Variants in ALX4 observed in about 807,000 individuals in gnomAD.
ALX4 encodes ALX homeobox 4, also known as homeobox protein aristaless-like 4.
In ALX4, 22 loss-of-function variants were observed where a neutral mutation model predicts 40.6. The ratio of observed to expected loss-of-function variants is 0.54; its 90% confidence interval spans 0.39 to 0.77. The LOEUF is 0.77. ALX4 is among the 30% of genes least tolerant of loss of function. The pLI is 0.00. For missense variants in ALX4, 556 were observed against 564.8 expected (o/e 0.98, Z 0.16); for synonymous variants, 266 against 240.5 (o/e 1.11, Z -0.98).
In ALX4 at chr11:44,264,812, G is replaced by T; in HGVS notation, c.*42C>A. ...TGGGGGCCTGGAAAACATGGGCGTGGCCCATGGTGTCCCGAGGTGGGGACG... is the reference window on the plus strand; with the variant it reads ...TGGGGGCCTGGAAAACATGGGCGTGTCCCATGGTGTCCCGAGGTGGGGACG... On this transcript the variant is annotated 3_prime_UTR_variant, in exon 4 of 4. Transcript: ENST00000652299. 6.2e-7 allele frequency: 1 copy of T among 1,603,436 alleles called. No individual in the cohort carries two copies. Among genetic ancestry groups the T allele is most frequent in the East Asian group, 2.2e-5 (1 of 44,738 alleles).
intron 1 of ALX4, among the ~76,000 whole-genome samples, chr11:44,280,777 T>A (rs989782447): frequency 6.6e-6 from 1 of 152,172 alleles, no homozygotes; most frequent in African/African-American, 2.4e-5. Context: ...CAATCCTAGG[T>A]CAGCATTATT....
intron 2 of ALX4, among the ~76,000 whole-genome samples, chr11:44,270,786 C>T (rs1319538284): frequency 1.3e-5 from 2 of 152,222 alleles, no homozygotes; most frequent in Non-Finnish European, 2.9e-5. Flanking sequence ...CCAGCCTGGG[C>T]CCACTCAGCA....
At chr11:44,268,537 G>A (rs1310023619) in intron 2 of ALX4, among the ~76,000 whole-genome samples, 1 of 152,184 alleles carries the variant, frequency 6.6e-6, no homozygotes, top group African/African-American at 2.4e-5. Flanking sequence ...ACGGGGGAGG[G>A]GAGGTCTCTG....
chr11:44,307,816 C>G (rs1045660612), intron 1 of ALX4, among the ~76,000 whole-genome samples: 1 of 151,920 alleles, frequency 6.6e-6, no homozygotes, highest in African/African-American at 2.4e-5. Flanking sequence ...ATGTGCGGAG[C>G]TGTGTGTGTC....
At chr11:44,295,189 A>G (rs1053330062) in intron 1 of ALX4, among the ~76,000 whole-genome samples, 4 of 152,108 alleles carry the variant, frequency 2.6e-5, no homozygotes, top group African/African-American at 9.7e-5. Context: ...GCCTCACCCT[A>G]TCACTAACAG....
Position 44,262,001 on chromosome 11 carries a change from C to G in ALX4, c.*2853G>C, listed in dbSNP as rs532370405. On this transcript the variant is annotated 3_prime_UTR_variant, in exon 4 of 4. Transcript: ENST00000652299. ...GCCTAGCCACCTGTCTTGGAAGGGA[C>G]TGGGCCCCAAGGTTCTCTTCTGGAG... The G allele has an allele frequency of 6.6e-6, 1 of 152,436 alleles. No individual in the cohort carries two copies. The highest frequency in any genetic ancestry group is 6.5e-5 in the Admixed American group (1 of 15,312). The allele number at this position is 152,436 out of a possible 1,614,324, so 9.4% of individuals were successfully genotyped here. A position where few individuals can be genotyped will look rare whatever the true frequency, so the allele number is the denominator to read the frequency against.
At position 44,264,478 on chromosome 11, in the gene ALX4, G is replaced by C; in HGVS notation, c.*376C>G. Reference sequence around the variant, plus strand: ...GGATGGACAAGACTGGGCTGGTGAGGCTGCTGGGTCTGCATGGAAATCTAG... The same window carrying C: ...GGATGGACAAGACTGGGCTGGTGAGCCTGCTGGGTCTGCATGGAAATCTAG... On this transcript the variant is annotated 3_prime_UTR_variant, in exon 4 of 4. Transcript: ENST00000652299. 3.7e-6 allele frequency: 1 copy of C among 270,182 alleles called. No homozygotes were observed. The highest frequency in any genetic ancestry group is 7.1e-6 in the Non-Finnish European group (1 of 140,546). The allele number at this position is 270,182 out of a possible 1,614,324, so 16.7% of individuals were successfully genotyped here. A position where few individuals can be genotyped will look rare whatever the true frequency, so the allele number is the denominator to read the frequency against.
At chr11:44,267,724 C>T (rs1956221828) in intron 2 of ALX4, 102 bp from the exon 3 acceptor site, 1 of 1,550,142 alleles carries the variant, frequency 6.5e-7, no homozygotes, top group Non-Finnish European at 8.8e-7. Flanking sequence ...CCATCAGTTG[C>T]AGTGCGTTTG....
chr11:44,276,358 C>A (rs1311017408), intron 1 of ALX4, among the ~76,000 whole-genome samples: 1 of 151,354 alleles, frequency 6.6e-6, no homozygotes, highest in Admixed American at 6.6e-5. Context: ...AGCTCCTGCC[C>A]ACTGTTTACT....
rs1303290776 is a variant in ALX4 at position 44,261,398 on chromosome 11, C to T, written c.*3456G>A. The T allele has an allele frequency of 1.3e-5, 2 of 152,256 alleles. No individual in the cohort carries two copies. Among genetic ancestry groups the T allele is most frequent in the African/African-American group, 2.4e-5 (1 of 41,456 alleles). The allele number at this position is 152,256 out of a possible 1,614,324, so 9.4% of individuals were successfully genotyped here. On this transcript the variant is annotated 3_prime_UTR_variant, in exon 4 of 4. Transcript: ENST00000652299. Reference sequence around the variant, plus strand: ...AGCTGTGTGTGCTGGGGACCCACCCCACACTTGCTGCACCTACCCCATCGC... The same window carrying T: ...AGCTGTGTGTGCTGGGGACCCACCCTACACTTGCTGCACCTACCCCATCGC...
chr11:44,297,797 C>T (rs946534299), intron 1 of ALX4, among the ~76,000 whole-genome samples: 4 of 152,222 alleles, frequency 2.6e-5, no homozygotes, highest in African/African-American at 9.6e-5. Flanking sequence ...ACCTCACCGG[C>T]ATGCATCATG....
At chr11:44,274,550 T>C (rs1302837182) in intron 2 of ALX4, among the ~76,000 whole-genome samples, 1 of 152,186 alleles carries the variant, frequency 6.6e-6, no homozygotes, top group Non-Finnish European at 1.5e-5. Flanking sequence ...TTGTGTTGTG[T>C]TGGAATGGGT....
intron 1 of ALX4, among the ~76,000 whole-genome samples, chr11:44,280,288 G>T (rs1956302083): frequency 1.3e-5 from 2 of 152,192 alleles, no homozygotes; most frequent in South Asian, 4.1e-4. Context: ...TGAAACCAAG[G>T]TCCAGAAACC....
rs1956178197 is a variant in ALX4, at chr11:44,260,794, C to T, written c.*4060G>A. The T allele has an allele frequency of 6.6e-6, 1 of 151,822 alleles. No individual in the cohort carries two copies. The highest frequency in any genetic ancestry group is 1.5e-5 in the Non-Finnish European group (1 of 67,994). The allele number at this position is 151,822 out of a possible 1,614,324, so 9.4% of individuals were successfully genotyped here. A position where few individuals can be genotyped will look rare whatever the true frequency, so the allele number is the denominator to read the frequency against. On this transcript the variant is annotated 3_prime_UTR_variant, in exon 4 of 4. Transcript: ENST00000652299. ...TAATATTCCACCCCAGGCCATTAAG[C>T]TAAAGGAAAAGTTGCATTTATACAG...
chr11:44,304,192 T>A (rs1371633126), intron 1 of ALX4, among the ~76,000 whole-genome samples: 1 of 152,220 alleles, frequency 6.6e-6, no homozygotes, highest in Non-Finnish European at 1.5e-5. Context: ...CCGATGACTG[T>A]CACCTCGGTG....
chr11:44,264,808 C>T lies in ALX4; in HGVS notation c.*46G>A, dbSNP rs72905941. On this transcript the variant is annotated 3_prime_UTR_variant, in exon 4 of 4. Coordinates refer to ENST00000652299, the MANE Select transcript of ALX4 (RefSeq NM_021926.4). ...AGGCTGGGGGCCTGGAAAACATGGGCGTGGCCCATGGTGTCCCGAGGTGGG... is the reference window on the plus strand; with the variant it reads ...AGGCTGGGGGCCTGGAAAACATGGGTGTGGCCCATGGTGTCCCGAGGTGGG... The T allele has an allele frequency of 2.2e-3, 3,602 of 1,601,192 alleles. 9 individuals are homozygous for T. The highest frequency in any genetic ancestry group is 2.7e-3 in the Non-Finnish European group (3,205 of 1,172,972).
At chr11:44,293,466 C>G (rs1165934231) in intron 1 of ALX4, among the ~76,000 whole-genome samples, 1 of 152,152 alleles carries the variant, frequency 6.6e-6, no homozygotes, top group Non-Finnish European at 1.5e-5. Context: ...TTCTACCAAG[C>G]AAACCTTAAT....
At chr11:44,290,216 C>T (rs1025115452) in intron 1 of ALX4, among the ~76,000 whole-genome samples, 2 of 152,350 alleles carry the variant, frequency 1.3e-5, no homozygotes, top group South Asian at 2.1e-4. Flanking sequence ...CCTGCAGCTC[C>T]ACCACCTTCA....
At position 44,267,430 on chromosome 11, in the gene ALX4, A is replaced by G. The variant is rs1956219732; in HGVS notation, c.906+64T>C. On this transcript the variant is annotated intron_variant, in intron 3 of 3. Transcript: ENST00000652299. The stretch of plus-strand genomic sequence containing the variant: ...CTCGGGGTGCCTGGGCTCTCCTCCA[A>G]GGGGCTCATTCTCAGAGCACCAGGG... 8.7e-6 allele frequency: 14 copies of G among 1,602,416 alleles called. No homozygotes were observed. The South Asian group carries it at 1.4e-4, about 16-fold the overall frequency.
Sources: gnomAD v4.1 joint callset for allele counts (sites outside exome capture counted in the v4.1 genomes callset) on GRCh38, gnomAD v4.1.1 for gene constraint, MANE v1.5 for transcripts, NCBI Gene and HGNC (gene_info 2026-07-23, HGNC 2026-07-21) for gene names.